UBE3C: variants seen among roughly 807,000 people sequenced by gnomAD.
UBE3C encodes ubiquitin-protein ligase E3C.
A neutral mutation model predicts 129.4 loss-of-function variants in UBE3C; 42 were observed. The observed-to-expected ratio is 0.32, with a 90% CI of 0.25 to 0.42. The LOEUF (loss-of-function observed/expected upper bound fraction) is 0.42. Among genes scored for constraint, UBE3C ranks in the 10% least tolerant of loss-of-function variants. UBE3C has a pLI of 1.00. For missense variants in UBE3C, 1,049 were observed against 1,319.1 expected, an observed-to-expected ratio of 0.80 and a Z score of 3.17; for synonymous variants, 510 against 492.4, an observed-to-expected ratio of 1.04 and a Z score of -0.47.
At chr7:157,211,072 A>C (rs1809577766) in intron 13 of UBE3C, among the ~76,000 whole-genome samples, 1 of 152,092 alleles carries the variant, frequency 6.6e-6, no homozygotes, top group Non-Finnish European at 1.5e-5. Context: ...TGCATCCACC[A>C]AACTTAACAG....
chr7:157,167,537 CTCTTT>C (rs1808250666), intron 2 of UBE3C, among the ~76,000 whole-genome samples: 2 of 151,848 alleles, frequency 1.3e-5, no homozygotes, highest in South Asian at 2.1e-4. Flanking sequence ...CTCTCTCTCT[CTCTTT>C]TCTTTTTTTT....
Position 157,139,216 on chromosome 7 carries a change from C to T in UBE3C, c.-57C>T, listed in dbSNP as rs1250804786. On this transcript the variant is annotated 5_prime_UTR_variant, in exon 1 of 23. Coordinates refer to ENST00000348165, the MANE Select transcript of UBE3C (RefSeq NM_014671.3). Reference sequence around the variant, plus strand: ...AGAGCCTCCCAGCCCGCCCCGTGCCCCGCCCGCCCGGCTGCTTCCGCGGCG... The same window carrying T: ...AGAGCCTCCCAGCCCGCCCCGTGCCTCGCCCGCCCGGCTGCTTCCGCGGCG... 7 of 1,343,212 alleles carry T rather than the reference C, an allele frequency of 5.2e-6. No individual in the cohort carries two copies. In the East Asian group the frequency reaches 1.4e-4, roughly 26 times the overall value. The allele number at this position is 1,343,212 out of a possible 1,614,324, so 83.2% of individuals were successfully genotyped here. A position where few individuals can be genotyped will look rare whatever the true frequency, so the allele number is the denominator to read the frequency against.
chr7:157,146,167 A>C (rs1477368638), intron 1 of UBE3C, among the ~76,000 whole-genome samples: 3 of 152,088 alleles, frequency 2.0e-5, no homozygotes, highest in Non-Finnish European at 4.4e-5. Flanking sequence ...ATTTCTGAAA[A>C]GACATTCCCC....
chr7:157,144,795 C>T (rs898972113), intron 1 of UBE3C, among the ~76,000 whole-genome samples: 4 of 152,118 alleles, frequency 2.6e-5, no homozygotes, highest in African/African-American at 4.8e-5. Context: ...TTCTCTATTA[C>T]TAGCATCTGG....
At chr7:157,247,621 G>A (rs1022696540) in intron 18 of UBE3C, among the ~76,000 whole-genome samples, 5 of 152,184 alleles carry the variant, frequency 3.3e-5, no homozygotes, top group Non-Finnish European at 7.3e-5. Flanking sequence ...GAACCTGGGA[G>A]GCGGAGGTTG....
chr7:157,140,196 G>T (rs910695125), intron 1 of UBE3C, among the ~76,000 whole-genome samples: 1 of 137,494 alleles, frequency 7.3e-6, no homozygotes, highest in East Asian at 2.5e-4. Context: ...TTTCTGAAAT[G>T]TTCTTTAAAA....
At chr7:157,254,963 GCAGTCCCGGCGTGGTGGCGTACA>G (rs1796712537) in intron 21 of UBE3C, among the ~76,000 whole-genome samples, 2 of 151,048 alleles carry the variant, frequency 1.3e-5, no homozygotes, top group Admixed American at 6.6e-5. Context: ...GCGTACACCT[GCAGTCCCGGCGTGGTGGCGTACA>G]CCTGCAGTCC....
chr7:157,178,478 C>T (rs1288717602), intron 5 of UBE3C, among the ~76,000 whole-genome samples: 1 of 152,130 alleles, frequency 6.6e-6, no homozygotes, highest in Admixed American at 6.6e-5. Flanking sequence ...GCCAGCATAC[C>T]GTTTGGCACA....
Position 157,147,569 on chromosome 7 carries a change from C to T in UBE3C, c.66+8231C>T, listed in dbSNP as rs189404828. Reference sequence around the variant, plus strand: ...GAAAGCAATGTGTTTTATTGTCTTACTGCATTAGGTAGGATTATAGTTGAA... The same window carrying T: ...GAAAGCAATGTGTTTTATTGTCTTATTGCATTAGGTAGGATTATAGTTGAA... On this transcript the variant is annotated intron_variant, in intron 1 of 22. Coordinates refer to ENST00000348165, the MANE Select transcript of UBE3C (RefSeq NM_014671.3). 7.2e-5 allele frequency among the ~76,000 whole-genome samples: 11 copies of T among 152,102 alleles called. No individual in the cohort carries two copies. The East Asian group carries it at 1.9e-3, about 27-fold the overall frequency.
intron 22 of UBE3C, among the ~76,000 whole-genome samples, chr7:157,259,667 C>T (rs971538197): frequency 4.6e-5 from 7 of 152,140 alleles, no homozygotes; most frequent in African/African-American, 1.7e-4. Flanking sequence ...GATAAACTGT[C>T]CTTTGAAAGG....
At chr7:157,139,664 C>T (rs1490025135) in intron 1 of UBE3C, among the ~76,000 whole-genome samples, 1 of 152,252 alleles carries the variant, frequency 6.6e-6, no homozygotes, top group Non-Finnish European at 1.5e-5. Context: ...GGCGCGCTGG[C>T]CGTGGCTCCC....
At chr7:157,188,056 A>G (rs188043810) in intron 10 of UBE3C, among the ~76,000 whole-genome samples, 47 of 152,280 alleles carry the variant, frequency 3.1e-4, no homozygotes, top group African/African-American at 1.1e-3. Context: ...TCTCCCTCCA[A>G]TTTGAGTGAT....
At chr7:157,255,576 A>G (rs188143842) in intron 21 of UBE3C, among the ~76,000 whole-genome samples, 15 of 152,260 alleles carry the variant, frequency 9.9e-5, no homozygotes, top group Admixed American at 9.8e-4. Flanking sequence ...CTTTGCCAAG[A>G]GATTGTCTTC....
At position 157,241,581 on chromosome 7, in the gene UBE3C, G is replaced by A. The variant is rs377717409; in HGVS notation, c.2482-6787G>A. 3.3e-5 allele frequency among the ~76,000 whole-genome samples: 5 copies of A among 152,230 alleles called. No individual in the cohort carries two copies. In the East Asian group the frequency reaches 7.7e-4, roughly 23 times the overall value. On this transcript the variant is annotated intron_variant, in intron 18 of 22. Transcript: ENST00000348165. ...ACCGCAGGGTTGGTGAGGATGTGGAGGAATCAGTCCTCATGCATTGCCAAT... is the reference window on the plus strand; with the variant it reads ...ACCGCAGGGTTGGTGAGGATGTGGAAGAATCAGTCCTCATGCATTGCCAAT...
At chr7:157,234,305 G>A (rs1390185404) in intron 18 of UBE3C, among the ~76,000 whole-genome samples, 1 of 152,140 alleles carries the variant, frequency 6.6e-6, no homozygotes, top group Non-Finnish European at 1.5e-5. Context: ...TGTAGTTTTA[G>A]CTCTTACATT....
intron 6 of UBE3C, among the ~76,000 whole-genome samples, chr7:157,180,841 A>G (rs752295108): frequency 3.7e-4 from 57 of 152,242 alleles, no homozygotes; most frequent in Non-Finnish European, 6.9e-4. Flanking sequence ...GTCTCCAAAT[A>G]CATCATCTCC....
intron 18 of UBE3C, among the ~76,000 whole-genome samples, chr7:157,243,960 G>A (rs956212230): frequency 1.3e-4 from 20 of 152,182 alleles, no homozygotes; most frequent in South Asian, 2.1e-4. Context: ...TGCCAGGCGC[G>A]GTGGCTCACA....
intron 10 of UBE3C, chr7:157,192,620 C>CTT: frequency 1.3e-6 from 1 of 765,146 alleles, no homozygotes; most frequent in South Asian, 1.3e-5. Context: ...AGTCTTACCC[C>CTT]ACTCCCAAGA....
chr7:157,185,907 A>T (rs1168434818), intron 9 of UBE3C, among the ~76,000 whole-genome samples: 1 of 152,114 alleles, frequency 6.6e-6, no homozygotes, highest in East Asian at 1.9e-4. Flanking sequence ...AATTGTATTC[A>T]TCCAAGTTTC....
Sources: gnomAD v4.1 joint callset for allele counts (sites outside exome capture counted in the v4.1 genomes callset) on GRCh38, gnomAD v4.1.1 for gene constraint, MANE v1.5 for transcripts, NCBI Gene and HGNC (gene_info 2026-07-23, HGNC 2026-07-21) for gene names.